The following SIPA1 variants were observed in gnomAD, a reference collection of about 807,000 sequenced individuals.
The protein encoded by SIPA1 is signal-induced proliferation-associated 1.
SIPA1 carries 51 observed loss-of-function variants against 88.1 expected under a neutral mutation model. The ratio of observed to expected loss-of-function variants is 0.58; its 90% confidence interval spans 0.46 to 0.73. The LOEUF (loss-of-function observed/expected upper bound fraction) is 0.73. SIPA1 is among the 30% of genes least tolerant of loss of function. The pLI, the probability that SIPA1 is intolerant of heterozygous loss-of-function variation, is 0.00. For missense variants in SIPA1, 1,348 were observed against 1,467.6 expected (o/e 0.92, Z 1.33); for synonymous variants, 681 against 664.8 (o/e 1.02, Z -0.37).
In SIPA1 at chr11:65,644,995, C is replaced by T. The variant is rs768761649; in HGVS notation, c.1025C>T (p.Ala342Val). The T allele has an allele frequency of 4.3e-5, 69 of 1,613,780 alleles. No homozygotes were observed. The highest frequency in any genetic ancestry group is 5.2e-5 in the Non-Finnish European group (61 of 1,179,848). ...AAGGTGGGCATCCTGTACTGCCGGG[C>T]GGGCCAGGGCTCGGAGGAGGAGATG... ...QRKVGILYCRAGQGSEEEMYN... is the reference protein window; with the variant it reads ...QRKVGILYCRVGQGSEEEMYN... Residue 342 changes from alanine to valine, a missense_variant, in exon 5 of 16, where the codon GCG becomes GTG. Ala to Val is a moderately conservative substitution (Grantham distance 64, BLOSUM62 0). Coordinates refer to ENST00000534313, the MANE Select transcript of SIPA1 (RefSeq NM_006747.4).
intron 9 of SIPA1, 138 bp from the exon 10 acceptor site, chr11:65,649,124 C>T: frequency 4.7e-6 from 3 of 634,526 alleles, no homozygotes; most frequent in Non-Finnish European, 8.2e-6. Context: ...AGTAACCAGG[C>T]AGACATTTTT....
rs1229694051 is a variant in SIPA1 at position 65,641,364 on chromosome 11, C to T, written c.443C>T (p.Ser148Leu). 1 of 1,613,374 alleles carries T rather than the reference C, an allele frequency of 6.2e-7. No individual in the cohort carries two copies. The highest frequency in any genetic ancestry group is 1.7e-5 in the Admixed American group (1 of 60,034). The part of the protein sequence containing the change: ...HSEASSGTLA[S>L]AEDQAASSDL... ...GAGGCCAGCTCTGGGACCCTGGCTT[C>T]AGCCGAGGACCAGGCTGCCAGCTCG... Residue 148 changes from serine to leucine, a missense_variant, in exon 2 of 16, where the codon TCA becomes TTA. Physicochemically the swap from Ser to Leu is moderately radical, Grantham distance 145. Transcript: ENST00000534313.
chr11:65,647,228 T>G, intron 8 of SIPA1, 156 bp from the exon 9 acceptor site: 1 of 1,390,164 alleles, frequency 7.2e-7, no homozygotes, highest in Non-Finnish European at 9.3e-7. Context: ...TGCCCTCGGG[T>G]AAGCGACTTC....
At chr11:65,643,207 C>A (rs1195067362) in intron 4 of SIPA1, among the ~76,000 whole-genome samples, 1 of 152,172 alleles carries the variant, frequency 6.6e-6, no homozygotes, top group Non-Finnish European at 1.5e-5. Flanking sequence ...GAGCCACTGC[C>A]CTTGGCCCAG....
rs1294863104 is a variant in SIPA1, at chr11:65,641,086, C to T, written c.165C>T (p.Ser55=). ...GGGGCCCACTCCTGCGCAGCGGCAG[C>T]GATGCAGGCGAGGCCAGGCCCCCCA... is the stretch of plus-strand genomic sequence containing the variant. ...PVRGPLLRSG[S]DAGEARPPTP... The change falls in exon 2 of 16, where the codon AGC becomes AGT. Residue 55 remains serine (S), a synonymous_variant. Transcript: ENST00000534313. The T allele has an allele frequency of 1.1e-5, 17 of 1,599,214 alleles. No individual in the cohort carries two copies. The highest frequency in any genetic ancestry group is 1.7e-5 in the Admixed American group (1 of 59,464).
At chr11:65,648,970 C>T (rs1038972291) in intron 9 of SIPA1, among the ~76,000 whole-genome samples, 3 of 152,174 alleles carry the variant, frequency 2.0e-5, no homozygotes, top group African/African-American at 4.8e-5. Flanking sequence ...GCAATTTACA[C>T]GTGTTATTTA....
At chr11:65,645,828 C>T (rs1856099915) in intron 5 of SIPA1, 26 bp from the exon 6 acceptor site, 26 of 1,557,538 alleles carry the variant, frequency 1.7e-5, no homozygotes, top group Non-Finnish European at 2.2e-5. Context: ...TTTTCTCCTT[C>T]TGTGTCCCTA....
At chr11:65,641,739 TG>T (rs950367388) in intron 2 of SIPA1, 139 bp downstream of exon 2, 4 of 810,336 alleles carry the variant, frequency 4.9e-6, no homozygotes. Context: ...AGAGCTGAGC[TG>T]GGGTCCTCCT....
chr11:65,640,533 G>A (rs1469215905), intron 1 of SIPA1, among the ~76,000 whole-genome samples: 1 of 152,246 alleles, frequency 6.6e-6, no homozygotes, highest in Non-Finnish European at 1.5e-5. Context: ...CTGGGCCCAG[G>A]CCAAAGCTAA....
chr11:65,646,225 T>G lies in SIPA1; in HGVS notation c.1268T>G (p.Leu423Arg). The stretch of plus-strand genomic sequence containing the variant: ...CCCCTACTATCCAACCCCTAGCTCC[T>G]CCGGAAGCGCCACATTGGCAACGAC... ...PYTPNNQQQL[L>R]RKRHIGNDIV... The change falls in exon 7 of 16, where the codon CTC becomes CGC. Residue 423 changes from leucine (L) to arginine (R), a missense_variant. By Grantham distance (102) the Leu-to-Arg change is moderately radical. Transcript: ENST00000534313. The surrounding 1 kb of genome is among the most constrained non-coding windows in gnomAD (Gnocchi z 7.5). 6.2e-7 allele frequency: 1 copy of G among 1,613,924 alleles called. No individual in the cohort carries two copies. Among genetic ancestry groups the G allele is most frequent in the Non-Finnish European group, 8.5e-7 (1 of 1,179,974 alleles).
Position 65,642,846 on chromosome 11 carries a change from T to C in SIPA1, c.984+207T>C, listed in dbSNP as rs919968929. Reference sequence around the variant, plus strand: ...CTGTAGACCAGCAGTATCCACATCATGTAGAAATGCAGATTCTGGGGCCCC... The same window carrying C: ...CTGTAGACCAGCAGTATCCACATCACGTAGAAATGCAGATTCTGGGGCCCC... On this transcript the variant is annotated intron_variant, in intron 4 of 15. Transcript: ENST00000534313. The surrounding 1 kb of genome is among the most constrained non-coding windows in gnomAD (Gnocchi z 6.5). Among the ~76,000 whole-genome samples, 3 of 152,162 alleles carry C rather than the reference T, an allele frequency of 2.0e-5. No individual in the cohort carries two copies. Among genetic ancestry groups the C allele is most frequent in the Non-Finnish European group, 4.4e-5 (3 of 68,024 alleles).
chr11:65,640,788 G>C (rs1044775925), intron 1 of SIPA1, 43 bp from the exon 2 acceptor site: 2 of 774,852 alleles, frequency 2.6e-6, no homozygotes, highest in Non-Finnish European at 3.8e-6. Context: ...CTGGGTTCCT[G>C]TTTTCTGCCC....
At position 65,650,653 on chromosome 11, in the gene SIPA1, G is replaced by A. The variant is rs1856250163; in HGVS notation, c.3067G>A (p.Ala1023Thr). ...GCGGCTGCAGGCGGAGTCTGAGAGT[G>A]CAGCCACACGCCTCCTCCTGGCCTC... is the stretch of plus-strand genomic sequence containing the variant. Reference protein sequence around the residue: ...NRRLQAESESAATRLLLASKQ... With the variant: ...NRRLQAESESTATRLLLASKQ... The change falls in exon 16 of 16, where the codon GCA becomes ACA. Residue 1023 changes from alanine (A) to threonine (T), a missense_variant. Physicochemically the swap from Ala to Thr is moderately conservative, Grantham distance 58. Coordinates refer to ENST00000534313, the MANE Select transcript of SIPA1 (RefSeq NM_006747.4). 3 of 1,573,632 alleles carry A rather than the reference G, an allele frequency of 1.9e-6. No homozygotes were observed. The highest frequency in any genetic ancestry group is 2.7e-5 in the African/African-American group (2 of 74,154).
In SIPA1 at chr11:65,647,774, C is replaced by T. The variant is rs2135527351; in HGVS notation, c.2306+116C>T. 3.7e-6 allele frequency: 3 copies of T among 808,242 alleles called. No individual in the cohort carries two copies. In the East Asian group the frequency reaches 1.3e-4, roughly 34 times the overall value. 50.1% of individuals were successfully genotyped at this position (808,242 alleles called of 1,614,324 possible). A position where few individuals can be genotyped will look rare whatever the true frequency, so the allele number is the denominator to read the frequency against. On this transcript the variant is annotated intron_variant, in intron 9 of 15. Transcript: ENST00000534313. ...GAACCCAGTGTGGATACCTTTCCTT[C>T]TGGAAAGAATCTCCCGTCTCTTAGC...
intron 1 of SIPA1, 75 bp downstream of exon 1, chr11:65,638,257 G>T: frequency 6.6e-6 from 1 of 152,386 alleles, no homozygotes; most frequent in South Asian, 2.1e-4. Flanking sequence ...CCGTGGGCCC[G>T]GGTGATGTGT....
At position 65,646,069 on chromosome 11, in the gene SIPA1, C is replaced by G; in HGVS notation, c.1263+112C>G. On this transcript the variant is annotated intron_variant, in intron 6 of 15. Transcript: ENST00000534313. This position sits in a 1 kb window ranked among gnomAD's most constrained non-coding sequence, Gnocchi z 7.5. The stretch of plus-strand genomic sequence containing the variant: ...CTCTGTTGGCCCCAACAGCCCGCCC[C>G]TCTGGTGGCCCCTTCCCAAAGACAG... 1 of 1,258,908 alleles carries G rather than the reference C, an allele frequency of 7.9e-7. No homozygotes were observed. Among genetic ancestry groups the G allele is most frequent in the Non-Finnish European group, 1.1e-6 (1 of 888,836 alleles). 78.0% of individuals were successfully genotyped at this position (1,258,908 alleles called of 1,614,324 possible). A position where few individuals can be genotyped will look rare whatever the true frequency, so the allele number is the denominator to read the frequency against.
At position 65,646,956 on chromosome 11, in the gene SIPA1, C is replaced by T. The variant is rs1477959849; in HGVS notation, c.1922C>T (p.Thr641Ile). 1.9e-6 allele frequency: 3 copies of T among 1,538,972 alleles called. No individual in the cohort carries two copies. Among genetic ancestry groups the T allele is most frequent in the Non-Finnish European group, 2.6e-6 (3 of 1,148,046 alleles). The change falls in exon 8 of 16, where the codon ACC becomes ATC. Residue 641 changes from threonine (T) to isoleucine (I), a missense_variant. This residue lies in a region of SIPA1 where 615 missense variants were observed against 559.8 expected (regional missense o/e 1.10). Transcript: ENST00000534313. This position sits in a 1 kb window ranked among gnomAD's most constrained non-coding sequence, Gnocchi z 7.5. Reference protein sequence around the residue: ...NCACRDVLAWTFSEQQLDLYH... With the variant: ...NCACRDVLAWIFSEQQLDLYH... ...GCCTGTCGCGACGTGCTGGCCTGGA[C>T]CTTCTCCGAGCAGCAGCTGGACCTG...
chr11:65,644,234 A>C (rs976702239), intron 4 of SIPA1, among the ~76,000 whole-genome samples: 1 of 150,060 alleles, frequency 6.7e-6, no homozygotes, highest in Non-Finnish European at 1.5e-5. Context: ...TCCTTGCTGC[A>C]GCCAGGGAGG....
At position 65,642,237 on chromosome 11, in the gene SIPA1, C is replaced by T. The variant is rs1342498687; in HGVS notation, c.680-13C>T. The T allele has an allele frequency of 1.9e-6, 3 of 1,549,768 alleles. No individual in the cohort carries two copies. The highest frequency in any genetic ancestry group is 4.0e-5 in the Admixed American group (2 of 49,630). On this transcript the variant is annotated splice_polypyrimidine_tract_variant and intron_variant, in intron 2 of 15. Coordinates refer to ENST00000534313, the MANE Select transcript of SIPA1 (RefSeq NM_006747.4). This position sits in a 1 kb window ranked among gnomAD's most constrained non-coding sequence, Gnocchi z 6.5. ...GGGCGGGACCAATCGTTTTCTTCGG[C>T]GCGGTCCCCCAGAACATCAGAACTT... is the stretch of plus-strand genomic sequence containing the variant.
Sources: gnomAD v4.1 joint callset for allele counts (sites outside exome capture counted in the v4.1 genomes callset) on GRCh38, gnomAD v4.1.1 for gene constraint, gnomAD v4.1.1 regional missense constraint, Gnocchi (gnomAD v3.1) non-coding constraint, MANE v1.5 for transcripts, NCBI Gene and HGNC (gene_info 2026-07-23, HGNC 2026-07-21) for gene names.